Variants in ARHGAP29 observed in about 807,000 individuals in gnomAD.
ARHGAP29 encodes rho GTPase-activating protein 29.
ARHGAP29 carries 43 observed loss-of-function variants against 122.6 expected under a neutral mutation model. That is an observed-to-expected ratio of 0.35 (90% CI 0.27 to 0.45). ARHGAP29 has a LOEUF of 0.45. ARHGAP29 is among the 20% of genes least tolerant of loss of function. The probability of loss-of-function intolerance (pLI) is 1.00; values close to 1 mark genes in which losing one functional copy is unlikely to be tolerated. For synonymous variants in ARHGAP29, 506 were observed against 497.1 expected (o/e 1.02, Z -0.24); for missense variants, 1,303 against 1,477.2 (o/e 0.88, Z 1.93).
intron 5 of ARHGAP29, 34 bp from the exon 6 acceptor site, chr1:94,205,717 GAGA>G (rs1191039973): frequency 3.1e-6 from 5 of 1,590,978 alleles, no homozygotes; most frequent in Admixed American, 1.7e-5. Flanking sequence ...TTTAAAATTA[GAGA>G]AGAACACAAA....
At chr1:94,188,461 T>G (rs1444291521) in intron 15 of ARHGAP29, among the ~76,000 whole-genome samples, 1 of 151,832 alleles carries the variant, frequency 6.6e-6, no homozygotes, top group Non-Finnish European at 1.5e-5. Context: ...CACACATAAA[T>G]GAAATCACAA....
chr1:94,296,753 G>A, the ARHGAP29 span, among the ~76,000 whole-genome samples: 1 of 152,190 alleles, frequency 6.6e-6, no homozygotes, highest in Non-Finnish European at 1.5e-5. Flanking sequence ...GAGGCAAACA[G>A]AGAGCCATCC....
In ARHGAP29 at chr1:94,231,517, T is replaced by A; in HGVS notation, c.95A>T (p.Lys32Met). The A allele has an allele frequency of 6.2e-7, 1 of 1,613,844 alleles. No individual in the cohort carries two copies. Among genetic ancestry groups the A allele is most frequent in the Non-Finnish European group, 8.5e-7 (1 of 1,179,770 alleles). The change falls in exon 2 of 23, where the codon AAG becomes ATG. Residue 32 changes from lysine (K) to methionine (M), a missense_variant. Physicochemically the swap from Lys to Met is moderately conservative, Grantham distance 95. Around this residue, in one of 3 missense-constraint regions of ARHGAP29, gnomAD observed 592 missense variants for 648.2 expected, o/e 0.91. Coordinates refer to ENST00000260526, the MANE Select transcript of ARHGAP29 (RefSeq NM_004815.4). Reference protein sequence around the residue: ...TDITTSEMGLKSLSSNSIFDP... With the variant: ...TDITTSEMGLMSLSSNSIFDP... ...AAAAATAGAGTTGGAACTTAAGGAC[T>A]TGAGCCCCATTTCAGAAGTTGTAAT...
rs529066682 is a variant in ARHGAP29 at position 94,190,075 on chromosome 1, A to C, written c.1290T>G (p.Val430=). ...QCDLTLKAVT[V]NLFHMQHLQA... ...GCAGATGCTGCATGTGGAAGAGGTTAACTGTTACCTATGGACCCAGAGACA... is the reference window on the plus strand; with the variant it reads ...GCAGATGCTGCATGTGGAAGAGGTTCACTGTTACCTATGGACCCAGAGACA... Residue 430 remains valine (V), a synonymous_variant, in exon 13 of 23, where the codon GTT becomes GTG. Coordinates refer to ENST00000260526, the MANE Select transcript of ARHGAP29 (RefSeq NM_004815.4). 1 of 1,613,112 alleles carries C rather than the reference A, an allele frequency of 6.2e-7. No homozygotes were observed. The highest frequency in any genetic ancestry group is 1.1e-5 in the South Asian group (1 of 91,014).
At chr1:94,276,556 G>A (rs754768964), upstream of ARHGAP29, among the ~76,000 whole-genome samples, 6 of 151,288 alleles carry the variant, frequency 4.0e-5, no homozygotes, top group Admixed American at 2.0e-4. Context: ...TGAGGCAGGC[G>A]GATCACTTTA....
At chr1:94,272,210 CTGGATA>C (rs1342427416) in intron 1 of ARHGAP29, among the ~76,000 whole-genome samples, 1 of 152,146 alleles carries the variant, frequency 6.6e-6, no homozygotes, top group East Asian at 1.9e-4. Flanking sequence ...GAGACTTAGC[CTGGATA>C]GTAGAGGAAG....
chr1:94,236,726 A>C (rs571543889), intron 1 of ARHGAP29, among the ~76,000 whole-genome samples: 13 of 152,254 alleles, frequency 8.5e-5, no homozygotes, highest in African/African-American at 3.1e-4. Flanking sequence ...AAACACGTCC[A>C]CAATTGAACT....
In ARHGAP29 at chr1:94,272,468, G is replaced by A. The variant is rs1201364745; in HGVS notation, c.-33+2544C>T. On this transcript the variant is annotated intron_variant and NMD_transcript_variant, in intron 1 of 25. Coordinates refer to the ARHGAP29 transcript ENST00000552844. ...CCTTCTGGATAACCAGGTGCAAGGAGGTAGGCAGCCAACAGCCTCCAGCTG... is the reference window on the plus strand; with the variant it reads ...CCTTCTGGATAACCAGGTGCAAGGAAGTAGGCAGCCAACAGCCTCCAGCTG... Among the ~76,000 whole-genome samples the A allele has an allele frequency of 1.2e-4, 19 of 152,320 alleles. 3 individuals are homozygous for A. The South Asian group carries it at 3.9e-3, about 32-fold the overall frequency.
rs144730639 is a variant in ARHGAP29 at position 94,235,386 on chromosome 1, G to A, written c.-33+2029C>T. 1.9e-3 allele frequency among the ~76,000 whole-genome samples: 287 copies of A among 152,282 alleles called. 1 individual carries two copies. Among genetic ancestry groups the A allele is most frequent in the African/African-American group, 6.4e-3 (266 of 41,550 alleles). On this transcript the variant is annotated intron_variant, in intron 1 of 22. Transcript: ENST00000260526. Reference sequence around the variant, plus strand: ...CTTAGTTACTAACAGACTGCAACTGGCAACTTAATTAGGTAATGACGCATG... The same window carrying A: ...CTTAGTTACTAACAGACTGCAACTGACAACTTAATTAGGTAATGACGCATG...
At chr1:94,286,428 G>C in the ARHGAP29 span, among the ~76,000 whole-genome samples, 2 of 152,192 alleles carry the variant, frequency 1.3e-5, no homozygotes, top group Non-Finnish European at 2.9e-5. Context: ...AGCATTTTGG[G>C]AGGCCAAGGC....
In ARHGAP29 at chr1:94,184,957, T is replaced by C; in HGVS notation, c.2024A>G (p.Gln675Arg). ...KIHLFGAEFT[Q>R]VAKKEPDGIP... Reference sequence around the variant, plus strand: ...ACCATCTGGTTCCTTTTTTGCAACTTGTGTGAATTCTGCTCCAAATAAGTG... The same window carrying C: ...ACCATCTGGTTCCTTTTTTGCAACTCGTGTGAATTCTGCTCCAAATAAGTG... Residue 675 changes from glutamine to arginine, a missense_variant, in exon 18 of 23, where the codon CAA becomes CGA. By Grantham distance (43) the Gln-to-Arg change is conservative. This residue lies in a region of ARHGAP29 where 91 missense variants were observed against 177.8 expected (regional missense o/e 0.51). Coordinates refer to ENST00000260526, the MANE Select transcript of ARHGAP29 (RefSeq NM_004815.4). 1.2e-6 allele frequency: 2 copies of C among 1,613,732 alleles called. No individual in the cohort carries two copies. Among genetic ancestry groups the C allele is most frequent in the Non-Finnish European group, 8.5e-7 (1 of 1,179,770 alleles).
At chr1:94,211,277 G>A (rs1282713800) in intron 3 of ARHGAP29, among the ~76,000 whole-genome samples, 4 of 99,066 alleles carry the variant, frequency 4.0e-5, no homozygotes, top group Non-Finnish European at 5.4e-5. Context: ...ACAGAGCAAG[G>A]CTCTGGCTCC....
chr1:94,277,434 C>G (rs1655231206), upstream of ARHGAP29, among the ~76,000 whole-genome samples: 1 of 152,124 alleles, frequency 6.6e-6, no homozygotes, highest in South Asian at 2.1e-4. Flanking sequence ...AGATCATGCT[C>G]CCTTCCACAT....
chr1:94,215,354 A>G (rs1295502733), intron 3 of ARHGAP29, among the ~76,000 whole-genome samples: 2 of 151,842 alleles, frequency 1.3e-5, no homozygotes, highest in African/African-American at 4.8e-5. Flanking sequence ...ATTTTTTAGA[A>G]CCAAACAGCC....
Position 94,173,853 on chromosome 1 carries a change from C to G in ARHGAP29, c.*16G>C. 6.4e-7 allele frequency: 1 copy of G among 1,569,892 alleles called. No homozygotes were observed. The highest frequency in any genetic ancestry group is 8.6e-7 in the Non-Finnish European group (1 of 1,156,950). ...ATAACACAACAACAACAAAAAAACC[C>G]TGAAATTTGACATCCCTACACAAAT... On this transcript the variant is annotated 3_prime_UTR_variant, in exon 23 of 23. Transcript: ENST00000260526.
chr1:94,193,876 A>G (rs559422950), intron 12 of ARHGAP29: 1 of 152,330 alleles, frequency 6.6e-6, no homozygotes, highest in East Asian at 1.9e-4. Flanking sequence ...AGTAAATAAT[A>G]GACTACTTTT....
chr1:94,288,848 T>C, the ARHGAP29 span, among the ~76,000 whole-genome samples: 1 of 152,186 alleles, frequency 6.6e-6, no homozygotes, highest in Non-Finnish European at 1.5e-5. Context: ...TTCTGTTCCA[T>C]TGGTCTATAT....
At chr1:94,225,233 T>C (rs1037461345) in intron 2 of ARHGAP29, among the ~76,000 whole-genome samples, 2 of 152,110 alleles carry the variant, frequency 1.3e-5, no homozygotes, top group African/African-American at 4.8e-5. Context: ...AAACAATAGA[T>C]TTAGATAGAG....
the ARHGAP29 span, among the ~76,000 whole-genome samples, chr1:94,297,616 A>G: frequency 1.3e-5 from 2 of 152,174 alleles, no homozygotes; most frequent in African/African-American, 4.8e-5. Context: ...CAACATTGCT[A>G]AAGAAGGGCA....
Sources: allele counts gnomAD v4.1 joint callset (sites outside exome capture counted in the v4.1 genomes callset), GRCh38; gene constraint gnomAD v4.1.1; regional missense constraint gnomAD v4.1.1; transcripts MANE v1.5; gene names NCBI Gene and HGNC (gene_info 2026-07-23, HGNC 2026-07-21).